The following MRRF variants were observed in gnomAD, a reference collection of about 807,000 sequenced individuals.
MRRF encodes the protein mitochondrial ribosome recycling factor.
In MRRF, 18 loss-of-function variants were observed where a neutral mutation model predicts 25.1. The ratio of observed to expected loss-of-function variants is 0.72; its 90% CI spans 0.50 to 1.06. The LOEUF (loss-of-function observed/expected upper bound fraction) is 1.06. MRRF is among the 50% of genes least tolerant of loss of function. The pLI is 0.00. For missense variants in MRRF, 323 were observed against 319.3 expected (o/e 1.01, Z -0.09); for synonymous variants, 113 against 112.1 (o/e 1.01, Z -0.05).
chr9:122,278,029 T>C (rs536958048), intron 2 of MRRF, among the ~76,000 whole-genome samples: 52 of 152,286 alleles, frequency 3.4e-4, no homozygotes, highest in Non-Finnish European at 6.6e-4. Flanking sequence ...CTCAAGCTTT[T>C]ATCATTTTTA....
At chr9:122,293,269 A>C (rs1049295028) in intron 5 of MRRF, among the ~76,000 whole-genome samples, 2 of 152,200 alleles carry the variant, frequency 1.3e-5, no homozygotes, top group African/African-American at 4.8e-5. Flanking sequence ...AGTGCCACAC[A>C]TTATCCTGTA....
At chr9:122,317,645 A>G (rs953757464) in intron 6 of MRRF, among the ~76,000 whole-genome samples, 14 of 152,202 alleles carry the variant, frequency 9.2e-5, no homozygotes, top group African/African-American at 3.4e-4. Context: ...TTAGTTTTAT[A>G]AAGAAAAGTC....
chr9:122,304,947 C>CT (rs112917626), intron 5 of MRRF, among the ~76,000 whole-genome samples: 148 of 146,326 alleles, frequency 1.0e-3, no homozygotes, highest in East Asian at 2.8e-3. Context: ...CCACTTCCCA[C>CT]TTTTTTTTTT....
At chr9:122,288,783 G>A (rs1262442897) in intron 4 of MRRF, among the ~76,000 whole-genome samples, 1 of 152,106 alleles carries the variant, frequency 6.6e-6, no homozygotes, top group Non-Finnish European at 1.5e-5. Context: ...TTTTTTTGTT[G>A]TTGTTGCTAT....
chr9:122,321,593 CA>C (rs1835897716), intron 6 of MRRF, among the ~76,000 whole-genome samples: 1 of 152,136 alleles, frequency 6.6e-6, no homozygotes, highest in East Asian at 1.9e-4. Flanking sequence ...CGAGCTTATC[CA>C]TTTCATCATA....
chr9:122,285,814 C>T, intron 4 of MRRF: 1 of 1,281,346 alleles, frequency 7.8e-7, no homozygotes, highest in African/African-American at 1.6e-5. Context: ...TTTAATGGGC[C>T]AAATGTGGCC....
chr9:122,274,385 G>A (rs895387173), intron 2 of MRRF, among the ~76,000 whole-genome samples: 3 of 152,190 alleles, frequency 2.0e-5, no homozygotes, highest in Non-Finnish European at 4.4e-5. Flanking sequence ...GGCCAGGCAC[G>A]ATGGCTCACG....
At position 122,292,158 on chromosome 9, in the gene MRRF, G is replaced by A. The variant is rs1833813650; in HGVS notation, c.551+318G>A. Among the ~76,000 whole-genome samples, 5 of 152,172 alleles carry A rather than the reference G, an allele frequency of 3.3e-5. No homozygotes were observed. The South Asian group carries it at 1.0e-3, about 32-fold the overall frequency. ...TGCTATGAGGAAAGAAAAGACAGTG[G>A]GATCCAATAGAGAGTGACTTGGTAA... On this transcript the variant is annotated intron_variant, in intron 5 of 6. Transcript: ENST00000344641.
chr9:122,302,580 A>G (rs536061240), intron 5 of MRRF, among the ~76,000 whole-genome samples: 8 of 152,314 alleles, frequency 5.3e-5, no homozygotes, highest in Admixed American at 4.6e-4. Flanking sequence ...ATATGGCTAT[A>G]CCACATTTTA....
chr9:122,269,022 C>T (rs556911872), intron 1 of MRRF, among the ~76,000 whole-genome samples: 32 of 151,974 alleles, frequency 2.1e-4, no homozygotes, highest in Non-Finnish European at 3.4e-4. Flanking sequence ...AAAAATTAGC[C>T]GGGCGTGGTG....
chr9:122,306,764 G>C (rs1834874660), intron 5 of MRRF, among the ~76,000 whole-genome samples: 1 of 152,180 alleles, frequency 6.6e-6, no homozygotes, highest in Non-Finnish European at 1.5e-5. Flanking sequence ...CAGGGAAAGA[G>C]AAGACAAGTG....
At chr9:122,303,315 A>G (rs1667459460) in intron 5 of MRRF, among the ~76,000 whole-genome samples, 1 of 151,268 alleles carries the variant, frequency 6.6e-6, no homozygotes, top group South Asian at 2.1e-4. Flanking sequence ...TAGTTTACAT[A>G]AGTGGGATGA....
chr9:122,299,236 T>G (rs1435356689), intron 5 of MRRF, among the ~76,000 whole-genome samples: 1 of 149,910 alleles, frequency 6.7e-6, no homozygotes, highest in East Asian at 2.1e-4. Context: ...ACTACAAAAA[T>G]TACCCAGGCA....
At chr9:122,276,157 G>T (rs936636150) in intron 2 of MRRF, among the ~76,000 whole-genome samples, 3 of 151,812 alleles carry the variant, frequency 2.0e-5, no homozygotes, top group African/African-American at 7.3e-5. Flanking sequence ...TGGGTGATCC[G>T]CCCACCTTGG....
rs969773440 is a variant in MRRF, at chr9:122,278,310, T to TA, written c.185-2125dup. On this transcript the variant is annotated intron_variant, in intron 2 of 6. Coordinates refer to ENST00000344641, the MANE Select transcript of MRRF (RefSeq NM_138777.5). ...GCTGAAATCACTTACAGCACCCAGA[T>TA]AAAAAAAACAGAACATTCTTAGCAT... 4.1e-4 allele frequency among the ~76,000 whole-genome samples: 62 copies of TA among 152,152 alleles called. 1 individual carries two copies. Among genetic ancestry groups the TA allele is most frequent in the African/African-American group, 1.2e-3 (48 of 41,532 alleles).
chr9:122,309,625 A>G (rs548647013), intron 5 of MRRF, among the ~76,000 whole-genome samples: 30 of 152,274 alleles, frequency 2.0e-4, no homozygotes, highest in African/African-American at 6.5e-4. Flanking sequence ...ATATGTCTTT[A>G]TGGTGCATAT....
At chr9:122,265,036 C>T (rs1831968891) in intron 1 of MRRF, 98 bp downstream of exon 1, 1 of 151,752 alleles carries the variant, frequency 6.6e-6, no homozygotes, top group Admixed American at 6.6e-5. Flanking sequence ...ACCAGACTAC[C>T]GTCCCCGACC....
chr9:122,318,084 C>A (rs1370618734), intron 6 of MRRF, among the ~76,000 whole-genome samples: 1 of 151,978 alleles, frequency 6.6e-6, no homozygotes. Context: ...TGCAGTGAGC[C>A]GAAATCGCGC....
At chr9:122,266,633 T>TA (rs1832107343) in intron 1 of MRRF, among the ~76,000 whole-genome samples, 1 of 152,228 alleles carries the variant, frequency 6.6e-6, no homozygotes, top group Non-Finnish European at 1.5e-5. Flanking sequence ...GTGCTTATGT[T>TA]ATAAGCTAGT....
Sources: allele counts gnomAD v4.1 joint callset (sites outside exome capture counted in the v4.1 genomes callset), GRCh38; gene constraint gnomAD v4.1.1; transcripts MANE v1.5; gene names NCBI Gene and HGNC (gene_info 2026-07-23, HGNC 2026-07-21).